Variants in KIFAP3 observed in about 807,000 individuals in gnomAD.
The protein encoded by KIFAP3 is kinesin-associated protein 3.
Under a neutral mutation model 106.5 loss-of-function variants are expected in KIFAP3, and 68 were observed. The observed-to-expected ratio is 0.64, with a 90% CI of 0.53 to 0.78. The LOEUF is 0.78. Among genes scored for constraint, KIFAP3 ranks in the 30% least tolerant of loss-of-function variants. The pLI is 0.00. For synonymous variants in KIFAP3, 320 were observed against 311.5 expected (o/e 1.03, Z -0.29); for missense variants, 780 against 941.8 (o/e 0.83, Z 2.25).
chr1:170,009,674 A>T (rs961899959), intron 10 of KIFAP3, among the ~76,000 whole-genome samples: 2 of 152,166 alleles, frequency 1.3e-5, no homozygotes, highest in Non-Finnish European at 2.9e-5. Flanking sequence ...TTAACTTTTC[A>T]AGTTACTTTT....
At chr1:169,999,627 C>T (rs1359564852) in intron 10 of KIFAP3, among the ~76,000 whole-genome samples, 1 of 152,174 alleles carries the variant, frequency 6.6e-6, no homozygotes, top group East Asian at 1.9e-4. Flanking sequence ...AAACATGAAT[C>T]ATGATGAACT....
intron 10 of KIFAP3, among the ~76,000 whole-genome samples, chr1:170,015,931 T>TA (rs1390604126): frequency 2.0e-5 from 3 of 152,092 alleles, no homozygotes; most frequent in Non-Finnish European, 4.4e-5. Flanking sequence ...AGTCATGCTA[T>TA]AAAAAATACC....
intron 17 of KIFAP3, among the ~76,000 whole-genome samples, chr1:169,964,654 G>A (rs1665512178): frequency 6.6e-6 from 1 of 152,086 alleles, no homozygotes; most frequent in Non-Finnish European, 1.5e-5. Context: ...GTGGGTATTG[G>A]GAAAAGAGGG....
chr1:170,058,920 C>CT (rs1670990270), intron 1 of KIFAP3, among the ~76,000 whole-genome samples: 1 of 152,068 alleles, frequency 6.6e-6, no homozygotes, highest in Non-Finnish European at 1.5e-5. Flanking sequence ...TGAATGACTA[C>CT]TGGGTACATA....
At position 169,976,140 on chromosome 1, in the gene KIFAP3, T is replaced by C. The variant is rs537951166; in HGVS notation, c.1897+1945A>G. ...TTATTCACTGTGTACAGGTACCTGG[T>C]AGGTACTTTAAATACTTCACTTTTT... is the stretch of plus-strand genomic sequence containing the variant. On this transcript the variant is annotated intron_variant, in intron 16 of 19. Coordinates refer to ENST00000361580, the MANE Select transcript of KIFAP3 (RefSeq NM_014970.4). Among the ~76,000 whole-genome samples the C allele has an allele frequency of 6.8e-4, 104 of 152,292 alleles. No homozygotes were observed. In the South Asian group the frequency reaches 7.9e-3, roughly 12 times the overall value.
intron 9 of KIFAP3, among the ~76,000 whole-genome samples, chr1:170,017,247 G>C (rs1240560830): frequency 5.1e-5 from 5 of 98,172 alleles, no homozygotes; most frequent in African/African-American, 1.8e-4. Context: ...CAGAGAGAGA[G>C]ACTGTCTCAA....
intron 8 of KIFAP3, among the ~76,000 whole-genome samples, chr1:170,031,524 T>C (rs903109201): frequency 2.6e-5 from 4 of 151,782 alleles, no homozygotes; most frequent in South Asian, 2.1e-4. Flanking sequence ...GAGAAATATT[T>C]TAAAATGTTT....
intron 1 of KIFAP3, among the ~76,000 whole-genome samples, chr1:170,082,808 A>G (rs777285281): frequency 3.1e-4 from 47 of 152,016 alleles, no homozygotes; most frequent in Admixed American, 7.2e-4. Flanking sequence ...CCCCATCTCT[A>G]TCAAAAATAC....
chr1:170,043,394 AG>A (rs1266054678), intron 3 of KIFAP3, among the ~76,000 whole-genome samples: 3 of 152,192 alleles, frequency 2.0e-5, no homozygotes, highest in Non-Finnish European at 4.4e-5. Context: ...AGCCACTGTA[AG>A]GTCTCTTTAC....
intron 11 of KIFAP3, among the ~76,000 whole-genome samples, chr1:169,985,425 T>G (rs895520269): frequency 6.6e-6 from 1 of 151,782 alleles, no homozygotes; most frequent in African/African-American, 2.4e-5. Context: ...ACTGACTAGA[T>G]GTTATGGTTA....
intron 17 of KIFAP3, among the ~76,000 whole-genome samples, chr1:169,964,352 G>A (rs1665492689): frequency 6.6e-6 from 1 of 152,166 alleles, no homozygotes; most frequent in Admixed American, 6.6e-5. Flanking sequence ...GCTGGCTGTG[G>A]CTACTACAGC....
chr1:169,958,812 T>C (rs1665168918), intron 18 of KIFAP3, among the ~76,000 whole-genome samples: 1 of 152,208 alleles, frequency 6.6e-6, no homozygotes, highest in South Asian at 2.1e-4. Context: ...TTCATTTTCA[T>C]AATAGCAAAG....
At position 170,055,322 on chromosome 1, in the gene KIFAP3, T is replaced by C; in HGVS notation, c.147A>G (p.Arg49=). 1 of 1,600,414 alleles carries C rather than the reference T, an allele frequency of 6.2e-7. No homozygotes were observed. The highest frequency in any genetic ancestry group is 8.5e-7 in the Non-Finnish European group (1 of 1,176,482). The change falls in exon 2 of 20, where the codon CGA becomes CGG. Residue 49 remains arginine, a synonymous_variant. Coordinates refer to ENST00000361580, the MANE Select transcript of KIFAP3 (RefSeq NM_014970.4). Reference sequence around the variant, plus strand: ...GAACTTACATTTTTTGACATTCTTTTCGTTCTCCCAACATGGGGTCCCCCA... The same window carrying C: ...GAACTTACATTTTTTGACATTCTTTCCGTTCTCCCAACATGGGGTCCCCCA... The part of the protein sequence containing the change: ...GEMGDPMLGE[R]KECQKIIRLK...
chr1:169,983,256 A>C lies in KIFAP3; in HGVS notation c.1506+14T>G. The C allele has an allele frequency of 6.7e-7, 1 of 1,498,300 alleles. No homozygotes were observed. Among genetic ancestry groups the C allele is most frequent in the Non-Finnish European group, 9.2e-7 (1 of 1,086,024 alleles). 92.8% of individuals were successfully genotyped at this position (1,498,300 alleles called of 1,614,324 possible). ...TCCCAGTCTATTTGAATAGAAAGCC[A>C]AAATGATACTTACAATAAACAGATT... On this transcript the variant is annotated intron_variant, in intron 13 of 19. Transcript: ENST00000361580.
At chr1:170,043,208 G>A (rs12128126) in intron 3 of KIFAP3, among the ~76,000 whole-genome samples, 9,630 of 152,260 alleles carry the variant, frequency 0.063, 390 homozygotes, top group Non-Finnish European at 0.095. Context: ...TGGATTATAA[G>A]AGTAACTAAT....
chr1:169,923,947 C>A (rs1662975040), intron 19 of KIFAP3, among the ~76,000 whole-genome samples: 1 of 151,776 alleles, frequency 6.6e-6, no homozygotes, highest in South Asian at 2.1e-4. Flanking sequence ...TTAACATTCT[C>A]AGAGTCTGAG....
intron 19 of KIFAP3, among the ~76,000 whole-genome samples, chr1:169,942,917 C>CA (rs1553273134): frequency 9.4e-6 from 1 of 106,300 alleles, no homozygotes; most frequent in Non-Finnish European, 1.8e-5. Flanking sequence ...GACGCCCCCC[C>CA]CCACCCCTTT....
chr1:170,024,751 A>T (rs1005770878), intron 8 of KIFAP3, 155 bp from the exon 9 acceptor site: 3 of 453,208 alleles, frequency 6.6e-6, no homozygotes, highest in African/African-American at 6.1e-5. Context: ...TAATTAAAAA[A>T]CATTTATTGT....
chr1:169,930,261 A>C (rs1399686008), intron 19 of KIFAP3, among the ~76,000 whole-genome samples: 2 of 152,192 alleles, frequency 1.3e-5, no homozygotes, highest in East Asian at 3.8e-4. Context: ...GGGCATCCTA[A>C]CACTCTTGCT....
Sources: gnomAD v4.1 joint callset for allele counts (sites outside exome capture counted in the v4.1 genomes callset) on GRCh38, gnomAD v4.1.1 for gene constraint, MANE v1.5 for transcripts, NCBI Gene and HGNC (gene_info 2026-07-23, HGNC 2026-07-21) for gene names.